Variants in MAGI2 observed in about 807,000 individuals in gnomAD.
The protein encoded by MAGI2 is membrane associated guanylate kinase, WW and PDZ domain containing 2.
A neutral mutation model predicts 133.3 loss-of-function variants in MAGI2; 35 were observed. The ratio of observed to expected loss-of-function variants is 0.26; its 90% CI spans 0.20 to 0.35. The LOEUF (loss-of-function observed/expected upper bound fraction) is 0.35. MAGI2 is among the 10% of genes least tolerant of loss of function. The probability of loss-of-function intolerance (pLI) is 1.00; values close to 1 mark genes in which losing one functional copy is unlikely to be tolerated. For missense variants in MAGI2, 1,636 were observed against 1,863.4 expected, an observed-to-expected ratio of 0.88 and a Z score of 2.25; for synonymous variants, 729 against 710.6, an observed-to-expected ratio of 1.03 and a Z score of -0.41.
chr7:78,300,495 A>G (rs943710257), intron 9 of MAGI2, among the ~76,000 whole-genome samples: 3 of 152,216 alleles, frequency 2.0e-5, no homozygotes, highest in Non-Finnish European at 4.4e-5. Context: ...GAATTTTCAT[A>G]TAAGTAAAAC....
At chr7:78,520,138 T>C (rs1563115255) in intron 4 of MAGI2, among the ~76,000 whole-genome samples, 1 of 152,204 alleles carries the variant, frequency 6.6e-6, no homozygotes, top group Non-Finnish European at 1.5e-5. Flanking sequence ...CATTAATATA[T>C]TTTAACTCAC....
chr7:78,387,910 A>C (rs1192037822), intron 6 of MAGI2, among the ~76,000 whole-genome samples: 1 of 151,660 alleles, frequency 6.6e-6, no homozygotes, highest in Non-Finnish European at 1.5e-5. Flanking sequence ...TGGGCAACGA[A>C]GTGAAACTCT....
chr7:78,687,864 G>A (rs1342931260), intron 2 of MAGI2, among the ~76,000 whole-genome samples: 3 of 150,896 alleles, frequency 2.0e-5, no homozygotes, highest in Non-Finnish European at 4.4e-5. Flanking sequence ...CAGCTACTCG[G>A]GAGGCGAAGG....
chr7:78,880,819 T>A (rs530795), intron 2 of MAGI2, among the ~76,000 whole-genome samples: 91,570 of 151,532 alleles, frequency 0.6, 29,060 homozygotes, highest in Middle Eastern at 0.75. Flanking sequence ...CCTGCTATCA[T>A]CAAGAGACCC....
chr7:78,854,467 A>T (rs1378406844), intron 2 of MAGI2, among the ~76,000 whole-genome samples: 1 of 152,182 alleles, frequency 6.6e-6, no homozygotes, highest in Non-Finnish European at 1.5e-5. Flanking sequence ...AAAATCATAA[A>T]TAAGTGTATA....
intron 3 of MAGI2, among the ~76,000 whole-genome samples, chr7:78,623,501 T>C (rs1027057240): frequency 6.6e-6 from 1 of 152,098 alleles, no homozygotes; most frequent in Non-Finnish European, 1.5e-5. Context: ...AACTTCTTTA[T>C]TTAAAATGTT....
intron 1 of MAGI2, among the ~76,000 whole-genome samples, chr7:79,396,052 T>C (rs1845028698): frequency 6.6e-6 from 1 of 152,186 alleles, no homozygotes; most frequent in Non-Finnish European, 1.5e-5. Context: ...TATAGAATCT[T>C]GAATCATTTA....
At chr7:78,759,033 G>A (rs1268405333) in intron 2 of MAGI2, among the ~76,000 whole-genome samples, 3 of 152,200 alleles carry the variant, frequency 2.0e-5, no homozygotes, top group Middle Eastern at 3.4e-3. Flanking sequence ...AGTAGATATT[G>A]AATCTTTGCT....
At chr7:78,832,184 C>A (rs1791229088) in intron 2 of MAGI2, among the ~76,000 whole-genome samples, 1 of 150,902 alleles carries the variant, frequency 6.6e-6, no homozygotes, top group African/African-American at 2.4e-5. Flanking sequence ...CAATTATTTT[C>A]TCTTAAATAT....
intron 1 of MAGI2, among the ~76,000 whole-genome samples, chr7:79,237,609 C>G (rs1832040737): frequency 6.6e-6 from 1 of 152,182 alleles, no homozygotes; most frequent in Non-Finnish European, 1.5e-5. Flanking sequence ...CTCCCTGTCT[C>G]CCGGTCTCTC....
intron 6 of MAGI2, among the ~76,000 whole-genome samples, chr7:78,470,803 G>T (rs117011592): frequency 6.8e-4 from 104 of 152,188 alleles, no homozygotes; most frequent in Non-Finnish European, 1.4e-3. Flanking sequence ...AGCACAATGG[G>T]TCTGTTATAT....
intron 1 of MAGI2, among the ~76,000 whole-genome samples, chr7:79,020,277 A>T (rs969220453): frequency 3.3e-5 from 5 of 152,244 alleles, no homozygotes; most frequent in African/African-American, 9.6e-5. Context: ...GCAGCAAAGC[A>T]TTCAACATGT....
Position 79,136,033 on chromosome 7 carries a change from G to A in MAGI2, c.302-128827C>T, listed in dbSNP as rs575438354. On this transcript the variant is annotated intron_variant, in intron 1 of 21. Transcript: ENST00000354212. The stretch of plus-strand genomic sequence containing the variant: ...AGAAAGAAAGAAAGAAAGAAGGAAA[G>A]AAAGAAAGAAAGAAGGAAAGAAAGA... Among the ~76,000 whole-genome samples the A allele has an allele frequency of 3.7e-4, 48 of 129,002 alleles. 5 individuals are homozygous for A. In the South Asian group the frequency reaches 0.011, roughly 30 times the overall value. 84.6% of individuals were successfully genotyped at this position (129,002 alleles called of 152,430 possible).
chr7:78,969,276 C>T (rs151243435), intron 2 of MAGI2, among the ~76,000 whole-genome samples: 2,063 of 152,134 alleles, frequency 0.014, 39 homozygotes, highest in African/African-American at 0.044. Flanking sequence ...ATCCCCTGGG[C>T]CTTATGTAAA....
At chr7:78,076,976 AT>A (rs1815396644) in intron 21 of MAGI2, among the ~76,000 whole-genome samples, 1 of 151,634 alleles carries the variant, frequency 6.6e-6, no homozygotes, top group Non-Finnish European at 1.5e-5. Context: ...GTGGCTTCAC[AT>A]TTGTTCATTA....
chr7:78,587,120 G>A (rs1017871883), intron 3 of MAGI2, among the ~76,000 whole-genome samples: 3 of 152,082 alleles, frequency 2.0e-5, no homozygotes. Context: ...TGGATTGTTT[G>A]ACAGTTCTAT....
chr7:78,861,636 A>G (rs1794163459), intron 2 of MAGI2, among the ~76,000 whole-genome samples: 1 of 152,222 alleles, frequency 6.6e-6, no homozygotes, highest in Non-Finnish European at 1.5e-5. Flanking sequence ...CTCTCTGGCT[A>G]CATTTATTAT....
chr7:78,559,625 T>C (rs1385656585), intron 3 of MAGI2, among the ~76,000 whole-genome samples: 1 of 152,044 alleles, frequency 6.6e-6, no homozygotes, highest in Admixed American at 6.6e-5. Context: ...ACCCACAGAG[T>C]AGAAAAAATA....
rs942837382 is a variant in MAGI2 at position 78,019,204 on chromosome 7, T to C, written c.*111A>G. On this transcript the variant is annotated 3_prime_UTR_variant, in exon 22 of 22. Coordinates refer to ENST00000354212, the MANE Select transcript of MAGI2 (RefSeq NM_012301.4). The stretch of plus-strand genomic sequence containing the variant: ...TCACGTCGATGCTCCCAGGCCTTGG[T>C]GCCTCGTGGATCTATGCGTGTGACA... 7.8e-7 allele frequency: 1 copy of C among 1,277,606 alleles called. No individual in the cohort carries two copies. Among genetic ancestry groups the C allele is most frequent in the East Asian group, 2.9e-5 (1 of 34,338 alleles). 79.1% of individuals were successfully genotyped at this position (1,277,606 alleles called of 1,614,324 possible).
Sources: allele counts gnomAD v4.1 joint callset (sites outside exome capture counted in the v4.1 genomes callset), GRCh38; gene constraint gnomAD v4.1.1; transcripts MANE v1.5; gene names NCBI Gene and HGNC (gene_info 2026-07-23, HGNC 2026-07-21).